The following TENM4 variants were observed in gnomAD, a reference collection of about 807,000 sequenced individuals.
The protein encoded by TENM4 is teneurin transmembrane protein 4.
Under a neutral mutation model 243.3 loss-of-function variants are expected in TENM4, and 82 were observed. That is an observed-to-expected ratio of 0.34 (90% CI 0.28 to 0.40). The LOEUF is 0.40. Among genes scored for constraint, TENM4 ranks in the 10% least tolerant of loss-of-function variants. TENM4 has a pLI of 1.00. For missense variants in TENM4, 3,138 were observed against 3,673.3 expected (o/e 0.85, Z 3.77); for synonymous variants, 1,412 against 1,456.3 (o/e 0.97, Z 0.69).
intron 2 of TENM4, among the ~76,000 whole-genome samples, chr11:79,220,692 T>G (rs1217667245): frequency 6.6e-6 from 1 of 152,214 alleles, no homozygotes; most frequent in Non-Finnish European, 1.5e-5. Flanking sequence ...AGCTAGCTCT[T>G]ATGTCCAGTG....
At chr11:79,388,766 A>T (rs1444635760) in intron 1 of TENM4, among the ~76,000 whole-genome samples, 1 of 152,228 alleles carries the variant, frequency 6.6e-6, no homozygotes, top group Non-Finnish European at 1.5e-5. Context: ...TAAATGAGCA[A>T]TTCCATGCAC....
intron 6 of TENM4, among the ~76,000 whole-genome samples, chr11:78,908,304 C>T (rs1248193874): frequency 6.6e-6 from 1 of 152,178 alleles, no homozygotes; most frequent in African/African-American, 2.4e-5. Flanking sequence ...GGAAATAACG[C>T]CCACCTTATA....
At chr11:79,345,220 C>T (rs1252584113) in intron 1 of TENM4, among the ~76,000 whole-genome samples, 3 of 152,148 alleles carry the variant, frequency 2.0e-5, no homozygotes, top group East Asian at 3.8e-4. Flanking sequence ...CCAAGAAACA[C>T]GGGTGGATTT....
chr11:79,379,887 T>C (rs1857966481), intron 1 of TENM4, among the ~76,000 whole-genome samples: 2 of 152,138 alleles, frequency 1.3e-5, no homozygotes, highest in South Asian at 4.1e-4. Context: ...TGGTGCTGTT[T>C]ACAGATGGGG....
chr11:78,938,945 T>C (rs74433252), intron 6 of TENM4, among the ~76,000 whole-genome samples: 2,304 of 152,334 alleles, frequency 0.015, 58 homozygotes, highest in African/African-American at 0.053. Flanking sequence ...AGAAATTGCA[T>C]GCAAGACCAA....
chr11:79,240,999 C>T (rs944005263), intron 2 of TENM4, among the ~76,000 whole-genome samples: 10 of 152,014 alleles, frequency 6.6e-5, no homozygotes, highest in Admixed American at 2.0e-4. Context: ...AGTCTTCCAG[C>T]GCTGTATTTA....
In TENM4 at chr11:78,676,222, T is replaced by C; in HGVS notation, c.5426A>G (p.Asn1809Ser). The change falls in exon 30 of 34, where the codon AAC becomes AGC. Residue 1809 changes from asparagine to serine, a missense_variant. Asn to Ser is a conservative substitution (Grantham distance 46, BLOSUM62 1). This residue lies in a region of TENM4 where 2,467 missense variants were observed against 3,059.1 expected (regional missense o/e 0.81). Transcript: ENST00000278550. ...NVTLPIDNGL[N>S]LVEWRQRKEQ... is the part of the protein sequence containing the mutation. Reference sequence around the variant, plus strand: ...TTTGCGCTGGCGCCACTCCACCAGGTTGAGGCCGTTGTCGATGGGCAGCGT... The same window carrying C: ...TTTGCGCTGGCGCCACTCCACCAGGCTGAGGCCGTTGTCGATGGGCAGCGT... The C allele has an allele frequency of 6.3e-7, 1 of 1,599,290 alleles. No homozygotes were observed. Among genetic ancestry groups the C allele is most frequent in the African/African-American group, 1.3e-5 (1 of 74,830 alleles).
At chr11:79,097,729 T>A (rs1449051980) in intron 4 of TENM4, 1 of 151,860 alleles carries the variant, frequency 6.6e-6, no homozygotes, top group Admixed American at 6.6e-5. Context: ...ACAGCGAACA[T>A]GTGAATCCGT....
intron 9 of TENM4, among the ~76,000 whole-genome samples, chr11:78,888,430 G>A (rs1855591465): frequency 6.6e-6 from 1 of 152,196 alleles, no homozygotes; most frequent in African/African-American, 2.4e-5. Flanking sequence ...TGCCAGAGGA[G>A]GCTTATTACA....
chr11:79,039,558 C>T (rs553038293), intron 6 of TENM4, among the ~76,000 whole-genome samples: 1 of 152,316 alleles, frequency 6.6e-6, no homozygotes, highest in African/African-American at 2.4e-5. Flanking sequence ...AACTCCTCTA[C>T]AGAAAAGAAC....
At chr11:78,829,621 G>A (rs1857931858) in intron 12 of TENM4, among the ~76,000 whole-genome samples, 1 of 152,104 alleles carries the variant, frequency 6.6e-6, no homozygotes, top group East Asian at 1.9e-4. Flanking sequence ...TGAGACTCTG[G>A]GGGTTCTAAT....
chr11:79,251,258 C>T (rs1855605277), intron 2 of TENM4, among the ~76,000 whole-genome samples: 1 of 152,208 alleles, frequency 6.6e-6, no homozygotes, highest in Non-Finnish European at 1.5e-5. Flanking sequence ...TTTCCTCCCT[C>T]CATGTATGAG....
intron 6 of TENM4, chr11:79,014,701 C>G (rs1250789305): frequency 6.6e-6 from 1 of 152,174 alleles, no homozygotes; most frequent in African/African-American, 2.4e-5. Flanking sequence ...GGAGAACTGC[C>G]TTTCACTTGC....
intron 26 of TENM4, among the ~76,000 whole-genome samples, chr11:78,709,689 G>C (rs770016483): frequency 1.3e-5 from 2 of 152,142 alleles, no homozygotes; most frequent in African/African-American, 4.8e-5. Context: ...AGCACCTTGG[G>C]TGATAATGAC....
rs543464751 is a variant in TENM4 at position 79,046,063 on chromosome 11, TCTC to T, written c.493+18672_493+18674del. On this transcript the variant is annotated intron_variant, in intron 6 of 33. Transcript: ENST00000278550. Reference sequence around the variant, plus strand: ...ACACGTGCATTCCCACACAGCCACATCTCCTGCTGTTCTAGGCAAGGCCACAGG... The same window carrying T: ...ACACGTGCATTCCCACACAGCCACATCTGCTGTTCTAGGCAAGGCCACAGG... Among the ~76,000 whole-genome samples, 161 of 152,296 alleles carry T rather than the reference TCTC, an allele frequency of 1.1e-3. 3 individuals carry two copies. The highest frequency in any genetic ancestry group is 3.8e-3 in the African/African-American group (157 of 41,560).
chr11:79,354,611 C>T (rs915365796), intron 1 of TENM4, among the ~76,000 whole-genome samples: 1 of 152,128 alleles, frequency 6.6e-6, no homozygotes, highest in Non-Finnish European at 1.5e-5. Context: ...TCAGTGGTGA[C>T]CCATCAGCCT....
rs563206515 is a variant in TENM4, at chr11:78,919,201, A to G, written c.494-15678T>C. Among the ~76,000 whole-genome samples, 4 of 152,298 alleles carry G rather than the reference A, an allele frequency of 2.6e-5. No homozygotes were observed. In the South Asian group the frequency reaches 8.3e-4, roughly 32 times the overall value. On this transcript the variant is annotated intron_variant, in intron 6 of 33. Coordinates refer to ENST00000278550, the MANE Select transcript of TENM4 (RefSeq NM_001098816.3). Reference sequence around the variant, plus strand: ...TGTGTTAAGTTCTTTACATGCATGAACTTATTTTATTCTAAAAACAACCCC... The same window carrying G: ...TGTGTTAAGTTCTTTACATGCATGAGCTTATTTTATTCTAAAAACAACCCC...
At chr11:79,035,927 A>G (rs1161630340) in intron 6 of TENM4, among the ~76,000 whole-genome samples, 4 of 152,160 alleles carry the variant, frequency 2.6e-5, no homozygotes, top group African/African-American at 9.7e-5. Context: ...TTATTTTCAT[A>G]TTATAGTCAG....
intron 1 of TENM4, among the ~76,000 whole-genome samples, chr11:79,326,577 C>T (rs117212512): frequency 6.6e-6 from 1 of 152,310 alleles, no homozygotes; most frequent in East Asian, 1.9e-4. Context: ...CTTCCAATAT[C>T]CTCTTCCTGT....
Sources: gnomAD v4.1 joint callset for allele counts (sites outside exome capture counted in the v4.1 genomes callset) on GRCh38, gnomAD v4.1.1 for gene constraint, gnomAD v4.1.1 regional missense constraint, MANE v1.5 for transcripts, NCBI Gene and HGNC (gene_info 2026-07-23, HGNC 2026-07-21) for gene names.